CCDC102B: variants seen among roughly 807,000 people sequenced by gnomAD.
CCDC102B encodes the protein coiled-coil domain-containing protein 102B.
In CCDC102B, 75 loss-of-function variants were observed where a neutral mutation model predicts 57.4. That is an observed-to-expected ratio of 1.31 (90% CI 1.08 to 1.58). The LOEUF is 1.58. CCDC102B is among the 40% of genes most tolerant of loss of function. The pLI, the probability that CCDC102B is intolerant of heterozygous loss-of-function variation, is 0.00. For synonymous variants in CCDC102B, 206 were observed against 201.9 expected (o/e 1.02, Z -0.17); for missense variants, 636 against 582.6 (o/e 1.09, Z -0.94).
intron 6 of CCDC102B, among the ~76,000 whole-genome samples, chr18:68,998,760 A>G (rs1219930860): frequency 1.3e-5 from 2 of 151,810 alleles, no homozygotes; most frequent in Admixed American, 6.6e-5. Flanking sequence ...TAGTCTTTCC[A>G]TGCTCCTCTG....
chr18:68,960,600 T>C (rs1262994048), intron 6 of CCDC102B, among the ~76,000 whole-genome samples: 1 of 152,160 alleles, frequency 6.6e-6, no homozygotes, highest in Non-Finnish European at 1.5e-5. Context: ...TTTGCAATCC[T>C]TGTGGCCTAG....
At chr18:68,968,553 A>T (rs768224385) in intron 6 of CCDC102B, among the ~76,000 whole-genome samples, 15 of 152,136 alleles carry the variant, frequency 9.9e-5, no homozygotes, top group Non-Finnish European at 1.8e-4. Context: ...TCTCCATTTT[A>T]TCTTTGTACT....
chr18:68,959,781 C>A (rs1391347244), intron 6 of CCDC102B, among the ~76,000 whole-genome samples: 1 of 152,054 alleles, frequency 6.6e-6, no homozygotes, highest in African/African-American at 2.4e-5. Flanking sequence ...TGTCCCCTGG[C>A]TCATGGTGTG....
At chr18:68,720,071 A>G (rs2032241343) in intron 2 of CCDC102B, among the ~76,000 whole-genome samples, 1 of 152,256 alleles carries the variant, frequency 6.6e-6, no homozygotes, top group African/African-American at 2.4e-5. Context: ...CACATAAGAG[A>G]TAAAGAGCAT....
intron 7 of CCDC102B, among the ~76,000 whole-genome samples, chr18:69,032,364 G>A (rs116667577): frequency 0.013 from 1,939 of 152,222 alleles, 46 homozygotes; most frequent in African/African-American, 0.043. Flanking sequence ...AGATACAAGT[G>A]CTGTTGTCAT....
intron 6 of CCDC102B, among the ~76,000 whole-genome samples, chr18:68,968,228 C>T (rs2050211262): frequency 6.6e-6 from 1 of 152,074 alleles, no homozygotes; most frequent in Admixed American, 6.6e-5. Context: ...GCCAACTGTT[C>T]CTGGGTAAAG....
At chr18:68,808,626 C>T (rs1300834578) in intron 1 of CCDC102B, among the ~76,000 whole-genome samples, 4 of 151,820 alleles carry the variant, frequency 2.6e-5, no homozygotes, top group South Asian at 4.2e-4. Context: ...TACAGGCGCC[C>T]GCCACCACGC....
chr18:68,891,920 G>A (rs895177574), intron 5 of CCDC102B, among the ~76,000 whole-genome samples: 5 of 152,184 alleles, frequency 3.3e-5, no homozygotes, highest in African/African-American at 9.7e-5. Flanking sequence ...GTCCATAACA[G>A]TTGGGTAGGA....
intron 6 of CCDC102B, among the ~76,000 whole-genome samples, chr18:68,941,775 C>T (rs1014524038): frequency 5.3e-5 from 8 of 152,016 alleles, no homozygotes; most frequent in African/African-American, 1.9e-4. Context: ...TACAGAGGAA[C>T]AGTTCCATTT....
At chr18:68,882,236 T>C (rs941637237) in intron 5 of CCDC102B, among the ~76,000 whole-genome samples, 1 of 152,180 alleles carries the variant, frequency 6.6e-6, no homozygotes, top group Non-Finnish European at 1.5e-5. Context: ...AATAATGCCT[T>C]ATAGCTTTGA....
intron 2 of CCDC102B, among the ~76,000 whole-genome samples, chr18:68,789,862 G>C (rs543724076): frequency 1.3e-5 from 2 of 151,754 alleles, no homozygotes; most frequent in Non-Finnish European, 2.9e-5. Flanking sequence ...GCTTTGTTCC[G>C]TTGCTGGTGA....
intron 7 of CCDC102B, among the ~76,000 whole-genome samples, chr18:69,046,377 T>A (rs1245940290): frequency 6.6e-6 from 1 of 152,204 alleles, no homozygotes; most frequent in East Asian, 1.9e-4. Flanking sequence ...ATATGCTTAT[T>A]GGATGCATGA....
At chr18:68,837,502 C>A in intron 2 of CCDC102B, 133 bp downstream of exon 2, 2 of 832,508 alleles carry the variant, frequency 2.4e-6, no homozygotes, top group Non-Finnish European at 3.8e-6. Flanking sequence ...ACCATAATCA[C>A]AGTGGTTTAA....
chr18:69,014,958 TGAGAGAGA>T (rs748203787), intron 7 of CCDC102B, among the ~76,000 whole-genome samples: 1 of 114,506 alleles, frequency 8.7e-6, no homozygotes, highest in African/African-American at 2.9e-5. Flanking sequence ...TGTATGTGAA[TGAGAGAGA>T]GAGAGAGAGA....
At chr18:68,920,603 A>C (rs2041243576) in intron 6 of CCDC102B, among the ~76,000 whole-genome samples, 1 of 152,078 alleles carries the variant, frequency 6.6e-6, no homozygotes, top group South Asian at 2.1e-4. Flanking sequence ...GAAATACCTG[A>C]GACTGGGTAA....
rs551012948 is a variant in CCDC102B at position 69,023,819 on chromosome 18, A to G, written c.1434+12715A>G. Among the ~76,000 whole-genome samples, 22 of 152,186 alleles carry G rather than the reference A, an allele frequency of 1.4e-4. 1 individual carries two copies. In the South Asian group the frequency reaches 4.3e-3, roughly 30 times the overall value. On this transcript the variant is annotated intron_variant, in intron 7 of 7. Coordinates refer to ENST00000360242, the MANE Select transcript of CCDC102B (RefSeq NM_024781.3). ...AAATTACTCTTATTTGGAAATTAACATTTAAAGTTAAAGCATTTTATTTAG... is the reference window on the plus strand; with the variant it reads ...AAATTACTCTTATTTGGAAATTAACGTTTAAAGTTAAAGCATTTTATTTAG...
chr18:68,819,049 T>C (rs973632988), intron 1 of CCDC102B, among the ~76,000 whole-genome samples: 8 of 152,162 alleles, frequency 5.3e-5, no homozygotes, highest in African/African-American at 1.7e-4. Flanking sequence ...TTCACGCTAT[T>C]ATTTGCCTTT....
intron 4 of CCDC102B, among the ~76,000 whole-genome samples, chr18:68,857,493 G>C (rs1340172311): frequency 7.0e-6 from 1 of 142,814 alleles, no homozygotes; most frequent in Non-Finnish European, 1.5e-5. Context: ...CTTTATTTTT[G>C]CATATACATT....
At chr18:68,992,846 C>T (rs2050910155) in intron 6 of CCDC102B, 1 of 165,668 alleles carries the variant, frequency 6.0e-6, no homozygotes, top group Non-Finnish European at 1.4e-5. Flanking sequence ...GTGTGTGGCT[C>T]ATGGGTGAGA....
Sources: allele counts gnomAD v4.1 joint callset (sites outside exome capture counted in the v4.1 genomes callset), GRCh38; gene constraint gnomAD v4.1.1; transcripts MANE v1.5; gene names NCBI Gene and HGNC (gene_info 2026-07-23, HGNC 2026-07-21).